Variants in DENND4C observed in about 807,000 individuals in gnomAD.
DENND4C encodes the protein DENN domain containing 4C.
A neutral mutation model predicts 203.0 loss-of-function variants in DENND4C; 108 were observed. The observed-to-expected ratio is 0.53, with a 90% CI of 0.46 to 0.62. The LOEUF (loss-of-function observed/expected upper bound fraction) is 0.62. DENND4C is among the 20% of genes least tolerant of loss of function. The probability of loss-of-function intolerance (pLI) is 0.00; values close to 1 mark genes in which losing one functional copy is unlikely to be tolerated. For synonymous variants in DENND4C, 871 were observed against 792.4 expected (o/e 1.10, Z -1.67); for missense variants, 2,481 against 2,301.2 (o/e 1.08, Z -1.60).
chr9:19,280,763 A>G (rs1201102990), intron 2 of DENND4C, among the ~76,000 whole-genome samples: 1 of 151,758 alleles, frequency 6.6e-6, no homozygotes, highest in Non-Finnish European at 1.5e-5. Flanking sequence ...TTTTTGAGAC[A>G]GTGTCTCACT....
intron 26 of DENND4C, among the ~76,000 whole-genome samples, chr9:19,356,682 T>A (rs1825480874): frequency 6.6e-6 from 1 of 151,974 alleles, no homozygotes; most frequent in Admixed American, 6.6e-5. Context: ...CTTTAGTGGT[T>A]CTCAAAAATT....
intron 23 of DENND4C, 149 bp downstream of exon 23, chr9:19,347,235 C>T: frequency 1.4e-6 from 1 of 739,654 alleles, no homozygotes; most frequent in East Asian, 2.7e-5. Flanking sequence ...TGCCTCCCGG[C>T]TTTGAGCGAT....
intron 1 of DENND4C, among the ~76,000 whole-genome samples, chr9:19,240,125 T>C (rs184517727): frequency 6.6e-6 from 1 of 152,262 alleles, no homozygotes; most frequent in Non-Finnish European, 1.5e-5. Flanking sequence ...ATAAGTAATT[T>C]AACTAGGGGG....
intron 22 of DENND4C, 94 bp downstream of exon 22, chr9:19,342,873 A>T: frequency 9.2e-7 from 1 of 1,092,320 alleles, no homozygotes; most frequent in Non-Finnish European, 1.2e-6. Flanking sequence ...ACTTAATTGT[A>T]ATGAACATGC....
intron 29 of DENND4C, among the ~76,000 whole-genome samples, chr9:19,361,216 T>C (rs1463137134): frequency 6.6e-6 from 1 of 152,174 alleles, no homozygotes; most frequent in Non-Finnish European, 1.5e-5. Flanking sequence ...CACAACCACC[T>C]TATTTGAAAG....
chr9:19,355,178 G>A (rs1004419987), intron 26 of DENND4C, among the ~76,000 whole-genome samples: 7 of 152,114 alleles, frequency 4.6e-5, no homozygotes, highest in East Asian at 3.8e-4. Context: ...CCAAAGTGCC[G>A]GGATTACAGG....
At chr9:19,336,068 G>A (rs1271229552) in intron 18 of DENND4C, among the ~76,000 whole-genome samples, 2 of 151,776 alleles carry the variant, frequency 1.3e-5, no homozygotes, top group Admixed American at 1.3e-4. Flanking sequence ...AGTATGAGGT[G>A]ATAAGATATC....
At chr9:19,241,884 A>G (rs906707619) in intron 1 of DENND4C, among the ~76,000 whole-genome samples, 1 of 150,940 alleles carries the variant, frequency 6.6e-6, no homozygotes, top group African/African-American at 2.4e-5. Context: ...GAGTGCACTC[A>G]AATGATGTTT....
At chr9:19,366,324 G>A (rs1425817614) in intron 30 of DENND4C, among the ~76,000 whole-genome samples, 1 of 152,140 alleles carries the variant, frequency 6.6e-6, no homozygotes, top group African/African-American at 2.4e-5. Context: ...CTTTTCGGCC[G>A]GGTGCAGTGG....
chr9:19,355,868 G>A (rs1825281691), intron 26 of DENND4C, among the ~76,000 whole-genome samples: 1 of 151,988 alleles, frequency 6.6e-6, no homozygotes, highest in Non-Finnish European at 1.5e-5. Flanking sequence ...TGTGAGCCTG[G>A]TATATCTCTG....
chr9:19,264,270 C>T (rs1328626733), intron 1 of DENND4C, among the ~76,000 whole-genome samples: 8 of 149,880 alleles, frequency 5.3e-5, no homozygotes, highest in Non-Finnish European at 8.9e-5. Context: ...TCTACGTTTT[C>T]CAGTTTATTG....
At chr9:19,306,737 G>A (rs1839736223) in intron 10 of DENND4C, among the ~76,000 whole-genome samples, 2 of 149,648 alleles carry the variant, frequency 1.3e-5, no homozygotes, top group African/African-American at 2.5e-5. Context: ...TGAAGTGTTT[G>A]CACAATTGTA....
chr9:19,262,448 C>CTTTTTTTTTTT lies in DENND4C; in HGVS notation c.-17-13707_-17-13697dup, dbSNP rs59268086. Among the ~76,000 whole-genome samples the CTTTTTTTTTTT allele has an allele frequency of 5.0e-4, 67 of 134,188 alleles. 1 individual carries two copies. Among genetic ancestry groups the CTTTTTTTTTTT allele is most frequent in the African/African-American group, 1.8e-3 (63 of 34,862 alleles). 88.0% of individuals were successfully genotyped at this position (134,188 alleles called of 152,430 possible). A position where few individuals can be genotyped will look rare whatever the true frequency, so the allele number is the denominator to read the frequency against. On this transcript the variant is annotated intron_variant, in intron 1 of 32. Transcript: ENST00000434457. ...TTACATTTTTCCAAATATATCATAT[C>CTTTTTTTTTTT]TTTTTTTTTTTTTGAGACAGTCACC...
chr9:19,353,695 G>A (rs550048682), intron 26 of DENND4C, among the ~76,000 whole-genome samples: 1 of 152,194 alleles, frequency 6.6e-6, no homozygotes, highest in Admixed American at 6.5e-5. Context: ...TACTTTGGGA[G>A]GCCGAGGCAG....
At chr9:19,314,897 C>T (rs1841486037) in intron 10 of DENND4C, among the ~76,000 whole-genome samples, 1 of 152,130 alleles carries the variant, frequency 6.6e-6, no homozygotes, top group Admixed American at 6.5e-5. Context: ...TGCAGTGGCT[C>T]ATGCCTGTAA....
chr9:19,256,137 T>TTG (rs1827861513), intron 1 of DENND4C, among the ~76,000 whole-genome samples: 1 of 151,606 alleles, frequency 6.6e-6, no homozygotes, highest in Non-Finnish European at 1.5e-5. Flanking sequence ...TCTTGATAAC[T>TTG]ATGAAAGAAT....
chr9:19,347,653 G>T lies in DENND4C; in HGVS notation c.4317+567G>T, dbSNP rs1391021629. Among the ~76,000 whole-genome samples the T allele has an allele frequency of 3.3e-5, 5 of 152,274 alleles. No homozygotes were observed. The East Asian group carries it at 9.6e-4, about 29-fold the overall frequency. On this transcript the variant is annotated intron_variant, in intron 23 of 32. Transcript: ENST00000434457. ...AAGTAACTTGAACCGTATATGTAAG[G>T]AAGTTAATAATGTAGAAATAGAATA... is the stretch of plus-strand genomic sequence containing the variant.
intron 22 of DENND4C, among the ~76,000 whole-genome samples, chr9:19,344,717 G>T (rs1822421137): frequency 6.6e-6 from 1 of 152,110 alleles, no homozygotes; most frequent in Non-Finnish European, 1.5e-5. Flanking sequence ...TGCCCAGGCT[G>T]GTCTCGAGCT....
chr9:19,335,102 TAAG>T lies in DENND4C; in HGVS notation c.2587_2589del (p.Lys863del), dbSNP rs1327663244. The T allele has an allele frequency of 6.3e-7, 1 of 1,591,590 alleles. No homozygotes were observed. Among genetic ancestry groups the T allele is most frequent in the East Asian group, 2.3e-5 (1 of 44,226 alleles). On this transcript the variant is annotated inframe_deletion and splice_region_variant, in exon 18 of 33. Transcript: ENST00000434457. ...ATGCTATTACTTATGGTTATTATAATAAGGTAAGTAGGATCGACATTAGGCAAG... is the reference window on the plus strand; with the variant it reads ...ATGCTATTACTTATGGTTATTATAATGTAAGTAGGATCGACATTAGGCAAG...
Sources: gnomAD v4.1 joint callset for allele counts (sites outside exome capture counted in the v4.1 genomes callset) on GRCh38, gnomAD v4.1.1 for gene constraint, MANE v1.5 for transcripts, NCBI Gene and HGNC (gene_info 2026-07-23, HGNC 2026-07-21) for gene names.